Variants in C14orf39 observed in about 807,000 individuals in gnomAD.
C14orf39 encodes the protein chromosome 14 open reading frame 39.
In C14orf39, 66 loss-of-function variants were observed where a neutral mutation model predicts 85.6. The observed-to-expected ratio is 0.77, with a 90% CI of 0.63 to 0.95. C14orf39 has a LOEUF of 0.95. C14orf39 is among the 40% of genes least tolerant of loss of function. The probability of loss-of-function intolerance (pLI) is 0.00; values close to 1 mark genes in which losing one functional copy is unlikely to be tolerated. For synonymous variants in C14orf39, 242 were observed against 214.0 expected (o/e 1.13, Z -1.14); for missense variants, 735 against 663.9 (o/e 1.11, Z -1.18).
intron 5 of C14orf39, among the ~76,000 whole-genome samples, chr14:60,476,817 T>C (rs1347515777): frequency 6.6e-6 from 1 of 152,068 alleles, no homozygotes; most frequent in Non-Finnish European, 1.5e-5. Context: ...GAGGAGAAAT[T>C]TCTCTCAAAC....
chr14:60,505,931 G>C (rs764974576), intron 1 of C14orf39, among the ~76,000 whole-genome samples: 8 of 152,178 alleles, frequency 5.3e-5, no homozygotes, highest in Non-Finnish European at 7.3e-5. Flanking sequence ...CATATGTGCA[G>C]AAGTCCCACA....
chr14:60,451,840 AAT>A (rs1891050770), intron 16 of C14orf39, among the ~76,000 whole-genome samples: 1 of 152,112 alleles, frequency 6.6e-6, no homozygotes, highest in Non-Finnish European at 1.5e-5. Context: ...GTATAATAAA[AAT>A]AGAGAAATTT....
chr14:60,462,449 G>C (rs899140200), intron 11 of C14orf39, among the ~76,000 whole-genome samples: 2 of 152,046 alleles, frequency 1.3e-5, no homozygotes, highest in African/African-American at 4.8e-5. Flanking sequence ...TTTCTTTCAA[G>C]CCTTTTGTTC....
intron 5 of C14orf39, among the ~76,000 whole-genome samples, chr14:60,473,510 T>G (rs1415089924): frequency 6.6e-6 from 1 of 152,200 alleles, no homozygotes; most frequent in Admixed American, 6.5e-5. Context: ...TTGCCTAGGT[T>G]TTCTCCTAGG....
intron 16 of C14orf39, among the ~76,000 whole-genome samples, chr14:60,444,888 C>G (rs1595442003): frequency 6.6e-6 from 1 of 152,178 alleles, no homozygotes; most frequent in Non-Finnish European, 1.5e-5. Context: ...ACCCTACAAG[C>G]CAGAAGAGAG....
At chr14:60,494,617 A>C (rs1431918295) in intron 2 of C14orf39, 1 of 152,154 alleles carries the variant, frequency 6.6e-6, no homozygotes, top group Non-Finnish European at 1.5e-5. Flanking sequence ...GCTTTGCCCT[A>C]GCATTGGGAG....
chr14:60,444,878 ACC>A (rs1890687017), intron 16 of C14orf39, among the ~76,000 whole-genome samples: 2 of 152,190 alleles, frequency 1.3e-5, no homozygotes, highest in African/African-American at 2.4e-5. Context: ...CTCAGCAGAA[ACC>A]CTACAAGCCA....
intron 16 of C14orf39, among the ~76,000 whole-genome samples, chr14:60,449,404 T>C (rs1890935612): frequency 6.6e-6 from 1 of 152,192 alleles, no homozygotes; most frequent in African/African-American, 2.4e-5. Context: ...AATTTACTCC[T>C]ATTAATTTGT....
rs778017059 is a variant in C14orf39, at chr14:60,456,926, G to C, written c.1349C>G (p.Pro450Arg). 1.9e-6 allele frequency: 3 copies of C among 1,542,932 alleles called. No homozygotes were observed. The Admixed American group carries it at 6.4e-5, about 33-fold the overall frequency. Residue 450 changes from proline (P) to arginine (R), a missense_variant, in exon 15 of 18, where the codon CCG (proline) becomes CGG (arginine). Transcript: ENST00000321731. ...TTAATTAAAATCCTACATTTCGAAC[G>C]GGGGGGTTTTAGGGAATTTTATTTT... ...LEKIKFPKTP[P>R]FEINRNRNAV...
At chr14:60,488,612 C>T (rs145104741), upstream of C14orf39, among the ~76,000 whole-genome samples, 12 of 152,276 alleles carry the variant, frequency 7.9e-5, no homozygotes, top group East Asian at 2.3e-3. Context: ...CTTAAACCTG[C>T]TGCTCATTCT....
At chr14:60,463,498 T>C (rs755688291) in intron 11 of C14orf39, among the ~76,000 whole-genome samples, 2 of 152,094 alleles carry the variant, frequency 1.3e-5, no homozygotes, top group African/African-American at 2.4e-5. Context: ...TTTCGGGTGA[T>C]GGAAATATTC....
chr14:60,447,516 A>G (rs370197257), intron 16 of C14orf39, among the ~76,000 whole-genome samples: 14 of 152,348 alleles, frequency 9.2e-5, no homozygotes, highest in Admixed American at 5.2e-4. Flanking sequence ...AAGGAGAACT[A>G]CAAACCACTG....
chr14:60,514,238 A>G (rs995796015), intron 1 of C14orf39, among the ~76,000 whole-genome samples: 12 of 151,968 alleles, frequency 7.9e-5, no homozygotes, highest in South Asian at 6.2e-4. Context: ...TTTTGGGGGG[A>G]AAAAAAGTCC....
intron 1 of C14orf39, chr14:60,511,112 T>C: frequency 6.2e-7 from 1 of 1,612,824 alleles, no homozygotes; most frequent in African/African-American, 1.3e-5. Context: ...GTCACAGGGT[T>C]CCGGGCGGGC....
chr14:60,442,007 A>C (rs1890537718), intron 17 of C14orf39, 67 bp downstream of exon 17: 2 of 1,072,186 alleles, frequency 1.9e-6, no homozygotes, highest in Non-Finnish European at 2.8e-6. Flanking sequence ...AAAATAAGTT[A>C]GAGAAACTAA....
intron 16 of C14orf39, among the ~76,000 whole-genome samples, chr14:60,454,082 T>A (rs1891154624): frequency 6.6e-6 from 1 of 151,886 alleles, no homozygotes; most frequent in African/African-American, 2.4e-5. Context: ...GAATTACTTG[T>A]TTTTAAAATA....
intron 5 of C14orf39, among the ~76,000 whole-genome samples, chr14:60,476,073 A>C (rs928902748): frequency 6.6e-6 from 1 of 152,190 alleles, no homozygotes; most frequent in African/African-American, 2.4e-5. Context: ...TCTGAATATT[A>C]CTAAACTGTC....
At chr14:60,511,489 T>C (rs565685964) in intron 1 of C14orf39, 10 of 602,174 alleles carry the variant, frequency 1.7e-5, no homozygotes, top group Non-Finnish European at 2.9e-5. Flanking sequence ...CACCACGTTC[T>C]TCTTGCTTTG....
intron 15 of C14orf39, 25 bp downstream of exon 15, chr14:60,456,892 C>T: frequency 6.6e-7 from 1 of 1,509,542 alleles, no homozygotes; most frequent in East Asian, 2.3e-5. Context: ...AATAATTTAA[C>T]AATAGTTATT....
Sources: gnomAD v4.1 joint callset for allele counts (sites outside exome capture counted in the v4.1 genomes callset) on GRCh38, gnomAD v4.1.1 for gene constraint, MANE v1.5 for transcripts, NCBI Gene and HGNC (gene_info 2026-07-23, HGNC 2026-07-21) for gene names.